The following SYTL1 variants were observed in gnomAD, a reference collection of about 807,000 sequenced individuals.
The protein encoded by SYTL1 is synaptotagmin like 1.
Under a neutral mutation model 74.6 loss-of-function variants are expected in SYTL1, and 53 were observed. The observed-to-expected ratio is 0.71, with a 90% confidence interval of 0.57 to 0.89. The LOEUF (loss-of-function observed/expected upper bound fraction) is 0.89. SYTL1 is among the 40% of genes least tolerant of loss of function. The pLI, the probability that SYTL1 is intolerant of heterozygous loss-of-function variation, is 0.00. For missense variants in SYTL1, 728 were observed against 768.7 expected (o/e 0.95, Z 0.63); for synonymous variants, 329 against 324.9 (o/e 1.01, Z -0.14).
rs1044737200 is a variant in SYTL1, at chr1:27,348,423, TA to T, written c.459+421del. On this transcript the variant is annotated intron_variant, in intron 5 of 14. Coordinates refer to ENST00000616558, the MANE Select transcript of SYTL1 (RefSeq NM_001193308.2). The surrounding 1 kb of genome is among the most constrained non-coding windows in gnomAD (Gnocchi z 4.1). ...GCCCCCCATGTCTATAAAAAATAAA[TA>T]AAAAAAAAAGGCCGGTCGTGGCAGC... 6.4e-5 allele frequency among the ~76,000 whole-genome samples: 9 copies of T among 141,646 alleles called. No homozygotes were observed. Among genetic ancestry groups the T allele is most frequent in the South Asian group, 2.3e-4 (1 of 4,422 alleles). The allele number at this position is 141,646 out of a possible 152,430, so 92.9% of individuals were successfully genotyped here. A position where few individuals can be genotyped will look rare whatever the true frequency, so the allele number is the denominator to read the frequency against.
Position 27,345,577 on chromosome 1 carries a change from C to A in SYTL1, c.191+52C>A. 1 of 1,265,156 alleles carries A rather than the reference C, an allele frequency of 7.9e-7. No individual in the cohort carries two copies. The highest frequency in any genetic ancestry group is 1.4e-5 in the South Asian group (1 of 69,584). 78.4% of individuals were successfully genotyped at this position (1,265,156 alleles called of 1,614,324 possible). On this transcript the variant is annotated intron_variant, in intron 2 of 14. Transcript: ENST00000616558. This position sits in a 1 kb window ranked among gnomAD's most constrained non-coding sequence, Gnocchi z 6.0. ...GAGCACCAAGAGGCTTGAGTGGCCC[C>A]CATCCTGCTCCCTACCGACACCACT...
chr1:27,347,978 A>G lies in SYTL1; in HGVS notation c.425A>G (p.Asp142Gly). Residue 142 changes from aspartate (D) to glycine (G), a missense_variant, in exon 5 of 15, where the codon GAT becomes GGT. Physicochemically the swap from Asp to Gly is moderately conservative, Grantham distance 94 (BLOSUM62 -1). Coordinates refer to ENST00000616558, the MANE Select transcript of SYTL1 (RefSeq NM_001193308.2). The surrounding 1 kb of genome is among the most constrained non-coding windows in gnomAD (Gnocchi z 4.9). ...CTCCCTACTCCTAGGCTCACCATTG[A>G]TGAGGCCCCTCAGGAGAGGCTCAGG... ...EEGPEPRLTI[D>G]EAPQERLRET... 1 of 1,614,076 alleles carries G rather than the reference A, an allele frequency of 6.2e-7. No homozygotes were observed. The highest frequency in any genetic ancestry group is 1.1e-5 in the South Asian group (1 of 91,082).
chr1:27,345,309 G>A lies in SYTL1; in HGVS notation c.-26G>A. ...GGTCTGCCCCCAGGAAGCTCCGTGT[G>A]CCCAGCTGGGGCACAGCCCCAGCTG... On this transcript the variant is annotated 5_prime_UTR_variant, in exon 2 of 15. Coordinates refer to ENST00000616558, the MANE Select transcript of SYTL1 (RefSeq NM_001193308.2). The surrounding 1 kb of genome is among the most constrained non-coding windows in gnomAD (Gnocchi z 6.0). The A allele has an allele frequency of 6.9e-7, 1 of 1,450,640 alleles. No individual in the cohort carries two copies. Among genetic ancestry groups the A allele is most frequent in the African/African-American group, 1.5e-5 (1 of 67,998 alleles). The allele number at this position is 1,450,640 out of a possible 1,614,324, so 89.9% of individuals were successfully genotyped here. A position where few individuals can be genotyped will look rare whatever the true frequency, so the allele number is the denominator to read the frequency against.
rs1336685568 is a variant in SYTL1, at chr1:27,353,861, A to G, written c.*9A>G. 4 of 1,610,998 alleles carry G rather than the reference A, an allele frequency of 2.5e-6. No homozygotes were observed. Among genetic ancestry groups the G allele is most frequent in the Non-Finnish European group, 3.4e-6 (4 of 1,177,726 alleles). On this transcript the variant is annotated 3_prime_UTR_variant, in exon 15 of 15. Transcript: ENST00000616558. ...TGGCCCCCAGGACGTAGCCCCACCAAGCCTCTCTCTCTGGACCCCCATCTC... is the reference window on the plus strand; with the variant it reads ...TGGCCCCCAGGACGTAGCCCCACCAGGCCTCTCTCTCTGGACCCCCATCTC...
At chr1:27,349,796 C>T (rs755624322) in intron 8 of SYTL1, 31 bp downstream of exon 8, 9 of 1,566,374 alleles carry the variant, frequency 5.7e-6, no homozygotes, top group Admixed American at 1.8e-5. Flanking sequence ...CCCGGGCGGC[C>T]GGGGGGTGGA....
Position 27,348,573 on chromosome 1 carries a change from G to A in SYTL1, c.460-507G>A, listed in dbSNP as rs2015100514. ...AAATACAAAATTAGCTGGGCATGAT[G>A]GTGCATAACCTGGAATCTCAGCTAC... On this transcript the variant is annotated intron_variant, in intron 5 of 14. Transcript: ENST00000616558. The surrounding 1 kb of genome is among the most constrained non-coding windows in gnomAD (Gnocchi z 4.1). Among the ~76,000 whole-genome samples, 1 of 152,060 alleles carries A rather than the reference G, an allele frequency of 6.6e-6. No homozygotes were observed. The highest frequency in any genetic ancestry group is 2.1e-4 in the South Asian group (1 of 4,832).
In SYTL1 at chr1:27,351,265, C is replaced by T; in HGVS notation, c.1172C>T (p.Pro391Leu). The change falls in exon 12 of 15, where the codon CCC becomes CTC. Residue 391 changes from proline to leucine, a missense_variant. Transcript: ENST00000616558. The surrounding 1 kb of genome is among the most constrained non-coding windows in gnomAD (Gnocchi z 5.0). ...TWLPLQPRVP[P>L]SPDDLPSRGL... ...TAAGCCCGCCTCTCGCAGGTCCCAC[C>T]CTCTCCCGACGACCTTCCGAGCCGC... 1.3e-6 allele frequency: 2 copies of T among 1,558,950 alleles called. No individual in the cohort carries two copies. The highest frequency in any genetic ancestry group is 1.9e-5 in the Admixed American group (1 of 52,418).
At chr1:27,349,199 A>T (rs766353876) in intron 6 of SYTL1, 47 bp downstream of exon 6, 1 of 1,593,212 alleles carries the variant, frequency 6.3e-7, no homozygotes, top group Non-Finnish European at 8.6e-7. Context: ...TTCGCGGGTC[A>T]GAGGCAGCTC....
rs2015254415 is a variant in SYTL1, at chr1:27,351,178, C to T, written c.1165-80C>T. ...GCCCCGCCGTCTCTTCTAGCCGCACCCCATCCGGGTCTGCAGACCCCACCC... is the reference window on the plus strand; with the variant it reads ...GCCCCGCCGTCTCTTCTAGCCGCACTCCATCCGGGTCTGCAGACCCCACCC... On this transcript the variant is annotated intron_variant, in intron 11 of 14. Coordinates refer to ENST00000616558, the MANE Select transcript of SYTL1 (RefSeq NM_001193308.2). The surrounding 1 kb of genome is among the most constrained non-coding windows in gnomAD (Gnocchi z 5.0). 6.7e-7 allele frequency: 1 copy of T among 1,487,988 alleles called. No homozygotes were observed. The highest frequency in any genetic ancestry group is 1.4e-5 in the African/African-American group (1 of 71,610). The allele number at this position is 1,487,988 out of a possible 1,614,324, so 92.2% of individuals were successfully genotyped here. A position where few individuals can be genotyped will look rare whatever the true frequency, so the allele number is the denominator to read the frequency against.
chr1:27,353,159 A>G, intron 13 of SYTL1, 124 bp from the exon 14 acceptor site: 1 of 990,784 alleles, frequency 1.0e-6, no homozygotes, highest in Non-Finnish European at 1.5e-6. Flanking sequence ...TGAGGGTCTA[A>G]GGCCAGGCAG....
At position 27,350,698 on chromosome 1, in the gene SYTL1, A is replaced by G; in HGVS notation, c.1006-96A>G. 2 of 1,450,526 alleles carry G rather than the reference A, an allele frequency of 1.4e-6. No homozygotes were observed. The highest frequency in any genetic ancestry group is 1.9e-6 in the Non-Finnish European group (2 of 1,060,502). 89.9% of individuals were successfully genotyped at this position (1,450,526 alleles called of 1,614,324 possible). A position where few individuals can be genotyped will look rare whatever the true frequency, so the allele number is the denominator to read the frequency against. ...CTTAGGGGCTCCCCAGAATTCCATC[A>G]TGGTAGGAACGCGGTAGGACCTGCC... On this transcript the variant is annotated intron_variant, in intron 10 of 14. Transcript: ENST00000616558. The surrounding 1 kb of genome is among the most constrained non-coding windows in gnomAD (Gnocchi z 6.3).
rs941761626 is a variant in SYTL1, at chr1:27,350,114, G to A, written c.890G>A (p.Arg297Gln). Residue 297 changes from arginine to glutamine, a missense_variant, in exon 9 of 15, where the codon CGG (arginine) becomes CAG (glutamine). Physicochemically the swap from Arg to Gln is conservative, Grantham distance 43. Coordinates refer to ENST00000616558, the MANE Select transcript of SYTL1 (RefSeq NM_001193308.2). This position sits in a 1 kb window ranked among gnomAD's most constrained non-coding sequence, Gnocchi z 6.3. The part of the protein sequence containing the change: ...VIQCQGLAAA[R>Q]RRRSDPYVKS... Reference sequence around the variant, plus strand: ...CAGTGCCAGGGCCTGGCCGCCGCCCGGCGCCGCCGCTCGGACCCGTGAGTG... The same window carrying A: ...CAGTGCCAGGGCCTGGCCGCCGCCCAGCGCCGCCGCTCGGACCCGTGAGTG... 1.4e-6 allele frequency: 2 copies of A among 1,392,934 alleles called. No homozygotes were observed. The highest frequency in any genetic ancestry group is 1.9e-6 in the Non-Finnish European group (2 of 1,077,994). The allele number at this position is 1,392,934 out of a possible 1,614,324, so 86.3% of individuals were successfully genotyped here. A position where few individuals can be genotyped will look rare whatever the true frequency, so the allele number is the denominator to read the frequency against.
rs2014872752 is a variant in SYTL1, at chr1:27,343,620, A to T, written c.-39+1470A>T. Among the ~76,000 whole-genome samples, 1 of 151,206 alleles carries T rather than the reference A, an allele frequency of 6.6e-6. No homozygotes were observed. Among genetic ancestry groups the T allele is most frequent in the South Asian group, 2.1e-4 (1 of 4,768 alleles). The stretch of plus-strand genomic sequence containing the variant: ...TGTGTGTACGTGTGTGTGTGTGTGT[A>T]TCTGTCTGTCTAGGTGGGTGGTTGT... On this transcript the variant is annotated intron_variant, in intron 1 of 14. Transcript: ENST00000616558. The surrounding 1 kb of genome is among the most constrained non-coding windows in gnomAD (Gnocchi z 5.2).
rs777606133 is a variant in SYTL1, at chr1:27,348,128, T to C, written c.459+116T>C. 3 of 1,006,374 alleles carry C rather than the reference T, an allele frequency of 3.0e-6. No individual in the cohort carries two copies. Among genetic ancestry groups the C allele is most frequent in the Non-Finnish European group, 4.6e-6 (3 of 645,308 alleles). The allele number at this position is 1,006,374 out of a possible 1,614,324, so 62.3% of individuals were successfully genotyped here. A position where few individuals can be genotyped will look rare whatever the true frequency, so the allele number is the denominator to read the frequency against. On this transcript the variant is annotated intron_variant, in intron 5 of 14. Transcript: ENST00000616558. The surrounding 1 kb of genome is among the most constrained non-coding windows in gnomAD (Gnocchi z 4.1). ...ATGGGGAGACCCTGGAAATGTTCCT[T>C]CCTGTGTCTGCACCTCATCACCTCC...
Position 27,353,891 on chromosome 1 carries a change from C to A in SYTL1, c.*39C>A. 2 of 1,591,510 alleles carry A rather than the reference C, an allele frequency of 1.3e-6. No homozygotes were observed. The highest frequency in any genetic ancestry group is 1.7e-6 in the Non-Finnish European group (2 of 1,163,442). ...CTCTCTCTGGACCCCCATCTCAGGG[C>A]CTGCCCTTGGCTAAAGTCAATAAAG... On this transcript the variant is annotated 3_prime_UTR_variant, in exon 15 of 15. Coordinates refer to ENST00000616558, the MANE Select transcript of SYTL1 (RefSeq NM_001193308.2).
Position 27,348,077 on chromosome 1 carries a change from AG to A in SYTL1, c.459+71del. On this transcript the variant is annotated intron_variant, in intron 5 of 14. Coordinates refer to ENST00000616558, the MANE Select transcript of SYTL1 (RefSeq NM_001193308.2). This position sits in a 1 kb window ranked among gnomAD's most constrained non-coding sequence, Gnocchi z 4.1. ...AGGGGAGGTGGAATGTGCAGGGGGC[AG>A]GGGGGAAAGAGCCCCAGCCTGGGAA... 5.3e-6 allele frequency: 8 copies of A among 1,523,314 alleles called. No homozygotes were observed. The highest frequency in any genetic ancestry group is 7.3e-6 in the Non-Finnish European group (8 of 1,097,990). The allele number at this position is 1,523,314 out of a possible 1,614,324, so 94.4% of individuals were successfully genotyped here. A position where few individuals can be genotyped will look rare whatever the true frequency, so the allele number is the denominator to read the frequency against.
At chr1:27,349,871 C>T (rs762937421) in intron 8 of SYTL1, 101 bp from the exon 9 acceptor site, 2 of 1,534,586 alleles carry the variant, frequency 1.3e-6, no homozygotes, top group African/African-American at 1.4e-5. Context: ...TGCAGCCCCC[C>T]AGCCTGCCAC....
chr1:27,347,761 A>C lies in SYTL1; in HGVS notation c.341-47A>C, dbSNP rs1373903818. 6.3e-7 allele frequency: 1 copy of C among 1,588,310 alleles called. No individual in the cohort carries two copies. ...CCAGGGCCTCTCCCGAGTCACAGCCAGGCTTCCTGAGCATGGGGGCTCACA... is the reference window on the plus strand; with the variant it reads ...CCAGGGCCTCTCCCGAGTCACAGCCCGGCTTCCTGAGCATGGGGGCTCACA... On this transcript the variant is annotated intron_variant, in intron 3 of 14. Coordinates refer to ENST00000616558, the MANE Select transcript of SYTL1 (RefSeq NM_001193308.2). This position sits in a 1 kb window ranked among gnomAD's most constrained non-coding sequence, Gnocchi z 4.9.
rs180785898 is a variant in SYTL1, at chr1:27,343,604, G to A, written c.-39+1454G>A. The stretch of plus-strand genomic sequence containing the variant: ...AGTGAGCAGATGTGTGTGTGTGTAC[G>A]TGTGTGTGTGTGTGTATCTGTCTGT... On this transcript the variant is annotated intron_variant, in intron 1 of 14. Coordinates refer to ENST00000616558, the MANE Select transcript of SYTL1 (RefSeq NM_001193308.2). This position sits in a 1 kb window ranked among gnomAD's most constrained non-coding sequence, Gnocchi z 5.2. 8.1e-3 allele frequency among the ~76,000 whole-genome samples: 1,214 copies of A among 150,596 alleles called. 19 individuals carry two copies. Among genetic ancestry groups the A allele is most frequent in the African/African-American group, 0.028 (1,144 of 41,248 alleles).
Sources: allele counts gnomAD v4.1 joint callset (sites outside exome capture counted in the v4.1 genomes callset), GRCh38; gene constraint gnomAD v4.1.1; non-coding constraint Gnocchi (gnomAD v3.1); transcripts MANE v1.5; gene names NCBI Gene and HGNC (gene_info 2026-07-23, HGNC 2026-07-21).